The following IFNG-AS1 variants were observed in gnomAD, a reference collection of about 807,000 sequenced individuals.
IFNG-AS1 encodes IFNG regulatory antisense RNA 1, also known as IFNG antisense RNA 1 (non-protein coding).
At chr12:68,005,824 T>C (rs1482318895) in intron 2 of IFNG-AS1, among the ~76,000 whole-genome samples, 1 of 152,230 alleles carries the variant, frequency 6.6e-6, no homozygotes, top group South Asian at 2.1e-4. Flanking sequence ...AAGCATTTAT[T>C]ATTATACCTT....
At chr12:68,003,262 C>T (rs970439459) in intron 2 of IFNG-AS1, among the ~76,000 whole-genome samples, 6 of 152,042 alleles carry the variant, frequency 3.9e-5, no homozygotes, top group African/African-American at 7.2e-5. Context: ...TTGTGTTTAA[C>T]GGGTATATGA....
intron 3 of IFNG-AS1, among the ~76,000 whole-genome samples, chr12:68,017,270 C>T (rs7315219): frequency 0.08 from 12,160 of 152,126 alleles, 1,262 homozygotes; most frequent in African/African-American, 0.24. Flanking sequence ...TGGGCTTAAC[C>T]GTGCAGAGCC....
chr12:68,008,408 A>G (rs1879954252), intron 3 of IFNG-AS1, among the ~76,000 whole-genome samples: 1 of 42,568 alleles, frequency 2.3e-5, no homozygotes, highest in Non-Finnish European at 4.4e-5. Flanking sequence ...AGCACGAGAC[A>G]CCATCTCAAA....
At chr12:67,998,613 G>A (rs908723710) in intron 2 of IFNG-AS1, among the ~76,000 whole-genome samples, 5 of 151,782 alleles carry the variant, frequency 3.3e-5, no homozygotes, top group Admixed American at 3.3e-4. Flanking sequence ...AGAAACCATG[G>A]TAATGTTTCA....
chr12:67,997,349 A>G (rs548217838), intron 2 of IFNG-AS1, among the ~76,000 whole-genome samples: 5 of 152,084 alleles, frequency 3.3e-5, no homozygotes, highest in Admixed American at 6.6e-5. Flanking sequence ...ACTCAAGTAC[A>G]TATGGAAATT....
chr12:68,000,176 G>A (rs1879735310), intron 2 of IFNG-AS1, among the ~76,000 whole-genome samples: 1 of 152,104 alleles, frequency 6.6e-6, no homozygotes, highest in Non-Finnish European at 1.5e-5. Flanking sequence ...ACTGGGAGAA[G>A]TTTGGTAAAA....
chr12:67,995,554 C>G (rs903615196), intron 1 of IFNG-AS1, among the ~76,000 whole-genome samples: 1 of 151,522 alleles, frequency 6.6e-6, no homozygotes, highest in Admixed American at 6.6e-5. Flanking sequence ...AACCCTGTCT[C>G]TCCTAAAAAT....
chr12:67,993,802 C>T (rs79875789), intron 1 of IFNG-AS1, among the ~76,000 whole-genome samples: 6,024 of 152,200 alleles, frequency 0.04, 179 homozygotes, highest in Non-Finnish European at 0.059. Flanking sequence ...TTTCTTTTGA[C>T]TTTCCTTTTA....
chr12:68,017,713 C>T (rs1233871497), intron 3 of IFNG-AS1, among the ~76,000 whole-genome samples: 1 of 152,012 alleles, frequency 6.6e-6, no homozygotes, highest in African/African-American at 2.4e-5. Flanking sequence ...GATGGCTGAC[C>T]CTATTTAAGA....
chr12:68,009,532 G>A (rs1304865831), intron 3 of IFNG-AS1, among the ~76,000 whole-genome samples: 3 of 152,068 alleles, frequency 2.0e-5, no homozygotes, highest in South Asian at 2.1e-4. Flanking sequence ...TAGTAGAGAC[G>A]GGATTTCACT....
chr12:67,995,242 G>A (rs1879608422), intron 1 of IFNG-AS1, among the ~76,000 whole-genome samples: 1 of 151,894 alleles, frequency 6.6e-6, no homozygotes, highest in Admixed American at 6.6e-5. Flanking sequence ...CCAACATGGT[G>A]AAACCCTGTC....
In IFNG-AS1 at chr12:68,003,424, C is replaced by CTTTTTTTT. The variant is rs530422946; in HGVS notation, n.185-2666_185-2665insTTTTTTTT. On this transcript the variant is annotated intron_variant and non_coding_transcript_variant, in intron 2 of 5. Coordinates refer to ENST00000536914, the Ensembl canonical transcript of IFNG-AS1. ...TTCATAGAAGCTAATCATATTCCCC[C>CTTTTTTTT]CTTTTTTTTTTTTTTTGCATTGAGC... is the stretch of plus-strand genomic sequence containing the variant. Among the ~76,000 whole-genome samples, 7 of 136,508 alleles carry CTTTTTTTT rather than the reference C, an allele frequency of 5.1e-5. 2 individuals carry two copies. The highest frequency in any genetic ancestry group is 7.7e-5 in the Non-Finnish European group (5 of 65,340). 89.6% of individuals were successfully genotyped at this position (136,508 alleles called of 152,430 possible).
intron 2 of IFNG-AS1, among the ~76,000 whole-genome samples, chr12:68,003,424 C>CTTTTTTTTTTT (rs530422946): frequency 1.5e-5 from 2 of 136,508 alleles, no homozygotes; most frequent in African/African-American, 3.0e-5. Flanking sequence ...CATATTCCCC[C>CTTTTTTTTTTT]CTTTTTTTTT....
chr12:68,001,013 T>C (rs1879754827), intron 2 of IFNG-AS1, among the ~76,000 whole-genome samples: 1 of 152,182 alleles, frequency 6.6e-6, no homozygotes, highest in South Asian at 2.1e-4. Flanking sequence ...GATAGGCCTA[T>C]TTTATAGACC....
intron 1 of IFNG-AS1, among the ~76,000 whole-genome samples, chr12:67,991,424 G>A (rs989745961): frequency 3.9e-5 from 6 of 152,088 alleles, no homozygotes; most frequent in African/African-American, 1.4e-4. Flanking sequence ...AGAGATGAGG[G>A]GGAGCAGTTC....
chr12:68,018,010 C>A (rs1565693211), intron 3 of IFNG-AS1, among the ~76,000 whole-genome samples: 1 of 152,062 alleles, frequency 6.6e-6, no homozygotes, highest in Admixed American at 6.6e-5. Flanking sequence ...TCATTCCCTG[C>A]CTTTTGCTTG....
intron 3 of IFNG-AS1, among the ~76,000 whole-genome samples, chr12:68,012,019 G>A (rs1056431585): frequency 2.6e-5 from 4 of 151,978 alleles, no homozygotes; most frequent in Admixed American, 2.0e-4. Flanking sequence ...TTCATGTGGG[G>A]GTGTTAATTT....
At chr12:68,007,911 A>T (rs1879941852) in intron 3 of IFNG-AS1, among the ~76,000 whole-genome samples, 1 of 152,236 alleles carries the variant, frequency 6.6e-6, no homozygotes, top group Non-Finnish European at 1.5e-5. Flanking sequence ...GGTCAAATGG[A>T]ATCTTAAATA....
chr12:67,998,201 AT>A (rs1425227758), intron 2 of IFNG-AS1, among the ~76,000 whole-genome samples: 2 of 149,550 alleles, frequency 1.3e-5, no homozygotes, highest in Non-Finnish European at 3.0e-5. Context: ...TAATTGTGAC[AT>A]TGTTGTTATT....
Sources: gnomAD v4.1 joint callset for allele counts (sites outside exome capture counted in the v4.1 genomes callset) on GRCh38, gnomAD v4.1.1 for gene constraint, MANE v1.5 for transcripts, NCBI Gene and HGNC (gene_info 2026-07-23, HGNC 2026-07-21) for gene names.